RANBP17: variants seen among roughly 807,000 people sequenced by gnomAD.
RANBP17 encodes the protein ran-binding protein 17.
Under a neutral mutation model 141.2 loss-of-function variants are expected in RANBP17, and 158 were observed. That is an observed-to-expected ratio of 1.12 (90% CI 0.98 to 1.28). RANBP17 has a LOEUF of 1.28. Among genes scored for constraint, RANBP17 ranks in the 50% most tolerant of loss-of-function variants. RANBP17 has a pLI of 0.00. For missense variants in RANBP17, 1,438 were observed against 1,290.7 expected (o/e 1.11, Z -1.75); for synonymous variants, 430 against 450.0 (o/e 0.96, Z 0.56).
intron 13 of RANBP17, among the ~76,000 whole-genome samples, chr5:170,956,324 A>G (rs976323538): frequency 5.9e-5 from 9 of 152,192 alleles, no homozygotes; most frequent in Non-Finnish European, 8.8e-5. Context: ...ATATATTTCT[A>G]AGTGCTTAAT....
At chr5:170,889,263 G>A (rs912827886) in intron 3 of RANBP17, among the ~76,000 whole-genome samples, 4 of 151,978 alleles carry the variant, frequency 2.6e-5, no homozygotes, top group African/African-American at 9.7e-5. Flanking sequence ...TTTGAGGTGT[G>A]TATCGTCTCT....
chr5:171,098,607 A>G (rs1042797709), intron 14 of RANBP17, among the ~76,000 whole-genome samples: 3 of 152,116 alleles, frequency 2.0e-5, no homozygotes, highest in African/African-American at 7.2e-5. Flanking sequence ...CTCTGATGAT[A>G]GTTTCTTTTG....
At chr5:170,891,389 T>G (rs946876337) in intron 3 of RANBP17, among the ~76,000 whole-genome samples, 1 of 152,164 alleles carries the variant, frequency 6.6e-6, no homozygotes. Flanking sequence ...TGAAATAGTA[T>G]GGAAAGATAT....
chr5:171,042,785 G>T (rs554829299), intron 14 of RANBP17, among the ~76,000 whole-genome samples: 13 of 152,194 alleles, frequency 8.5e-5, no homozygotes, highest in Non-Finnish European at 1.8e-4. Context: ...TCTAGGGGGG[G>T]TCATCATCTT....
intron 22 of RANBP17, among the ~76,000 whole-genome samples, chr5:171,232,254 CTTAAA>C (rs1168454317): frequency 8.5e-5 from 13 of 152,066 alleles, no homozygotes; most frequent in Non-Finnish European, 1.5e-5. Context: ...GTGAATCATA[CTTAAA>C]TTTGTAATTA....
intron 14 of RANBP17, among the ~76,000 whole-genome samples, chr5:171,119,085 G>A (rs996017190): frequency 6.6e-6 from 1 of 152,236 alleles, no homozygotes; most frequent in African/African-American, 2.4e-5. Context: ...TTGTGTTAAG[G>A]TAGTTTCCTT....
chr5:170,973,511 GA>G (rs1777140535), intron 14 of RANBP17, among the ~76,000 whole-genome samples: 1 of 152,076 alleles, frequency 6.6e-6, no homozygotes, highest in South Asian at 2.1e-4. Context: ...AAGTAATAAA[GA>G]AAAGCTGTAG....
At chr5:170,908,709 G>T (rs1181250383) in intron 5 of RANBP17, among the ~76,000 whole-genome samples, 1 of 151,580 alleles carries the variant, frequency 6.6e-6, no homozygotes, top group Non-Finnish European at 1.5e-5. Flanking sequence ...TACACATTGG[G>T]TATAGGTTCC....
intron 24 of RANBP17, among the ~76,000 whole-genome samples, chr5:171,243,844 C>T (rs1333265405): frequency 5.3e-5 from 8 of 151,872 alleles, no homozygotes; most frequent in South Asian, 4.1e-4. Context: ...GAGGCTGAGG[C>T]GGGTGGATCA....
At chr5:171,043,784 C>A in intron 14 of RANBP17, among the ~76,000 whole-genome samples, 1 of 151,902 alleles carries the variant, frequency 6.6e-6, no homozygotes, top group East Asian at 1.9e-4. Flanking sequence ...TATTGACCTT[C>A]AATGAAGAGT....
intron 14 of RANBP17, among the ~76,000 whole-genome samples, chr5:171,078,568 G>A (rs1785079067): frequency 6.6e-6 from 1 of 152,214 alleles, no homozygotes; most frequent in African/African-American, 2.4e-5. Flanking sequence ...AGCTTCAAAA[G>A]ACAGGCTGAT....
At chr5:171,100,337 A>G (rs560039199) in intron 14 of RANBP17, among the ~76,000 whole-genome samples, 5 of 152,272 alleles carry the variant, frequency 3.3e-5, no homozygotes, top group African/African-American at 1.2e-4. Flanking sequence ...GGGAAGTTGT[A>G]TGTGTCCAGG....
intron 22 of RANBP17, among the ~76,000 whole-genome samples, chr5:171,234,173 G>A (rs924018476): frequency 1.3e-5 from 2 of 152,150 alleles, no homozygotes; most frequent in African/African-American, 4.8e-5. Flanking sequence ...AAGACTTCCA[G>A]TAAATGAGGG....
At chr5:171,138,497 A>G (rs1757466517) in intron 14 of RANBP17, among the ~76,000 whole-genome samples, 1 of 151,136 alleles carries the variant, frequency 6.6e-6, no homozygotes, top group Non-Finnish European at 1.5e-5. Context: ...AGGCTCTTTT[A>G]TCACAGTCCC....
chr5:170,887,407 G>A (rs1487341617), intron 3 of RANBP17, among the ~76,000 whole-genome samples: 1 of 152,080 alleles, frequency 6.6e-6, no homozygotes, highest in Non-Finnish European at 1.5e-5. Context: ...TCTTCTAGGA[G>A]TTTTATAGCT....
At position 171,208,594 on chromosome 5, in the gene RANBP17, G is replaced by GA. The variant is rs201401009; in HGVS notation, c.2231+2984dup. On this transcript the variant is annotated intron_variant, in intron 20 of 27. Transcript: ENST00000523189. ...TTTTAACTGTTAAAATCTGATCATT[G>GA]AACTCACTGATTTTTAATCAGGAAG... 4.2e-3 allele frequency among the ~76,000 whole-genome samples: 633 copies of GA among 152,162 alleles called. 3 individuals carry two copies. The highest frequency in any genetic ancestry group is 0.014 in the African/African-American group (599 of 41,490).
At chr5:171,093,407 C>T (rs1432713863) in intron 14 of RANBP17, among the ~76,000 whole-genome samples, 1 of 152,060 alleles carries the variant, frequency 6.6e-6, no homozygotes, top group Non-Finnish European at 1.5e-5. Flanking sequence ...TAAGGAATCA[C>T]ACACGATATA....
intron 9 of RANBP17, among the ~76,000 whole-genome samples, chr5:170,917,491 A>G (rs1772071597): frequency 6.6e-6 from 1 of 152,160 alleles, no homozygotes; most frequent in Non-Finnish European, 1.5e-5. Flanking sequence ...AGATTTTTAA[A>G]GGTTAAATGA....
intron 14 of RANBP17, among the ~76,000 whole-genome samples, chr5:170,997,184 C>T (rs1224176912): frequency 6.6e-6 from 1 of 152,164 alleles, no homozygotes; most frequent in Non-Finnish European, 1.5e-5. Context: ...TTCCCCTTCG[C>T]CTTCTGCCGT....
Sources: gnomAD v4.1 joint callset for allele counts (sites outside exome capture counted in the v4.1 genomes callset) on GRCh38, gnomAD v4.1.1 for gene constraint, MANE v1.5 for transcripts, NCBI Gene and HGNC (gene_info 2026-07-23, HGNC 2026-07-21) for gene names.